OCIAD1: variants seen among roughly 807,000 people sequenced by gnomAD.
The protein encoded by OCIAD1 is OCIA domain containing 1.
A neutral mutation model predicts 38.9 loss-of-function variants in OCIAD1; 29 were observed. That is an observed-to-expected ratio of 0.74 (90% CI 0.55 to 1.02). The LOEUF (loss-of-function observed/expected upper bound fraction) is 1.02. Among genes scored for constraint, OCIAD1 ranks in the 50% least tolerant of loss-of-function variants. OCIAD1 has a pLI of 0.00. For missense variants in OCIAD1, 288 were observed against 289.6 expected (o/e 0.99, Z 0.04); for synonymous variants, 110 against 92.0 (o/e 1.20, Z -1.12).
intron 3 of OCIAD1, among the ~76,000 whole-genome samples, chr4:48,836,063 A>AG (rs1347771123): frequency 5.3e-5 from 8 of 152,274 alleles, no homozygotes; most frequent in Non-Finnish European, 7.4e-5. Flanking sequence ...TCTTGAGCAG[A>AG]GGGGGGTGAT....
chr4:48,859,209 A>G (rs2109633881), intron 8 of OCIAD1, among the ~76,000 whole-genome samples: 1 of 127,700 alleles, frequency 7.8e-6, no homozygotes, highest in African/African-American at 3.1e-5. Flanking sequence ...TATCTGCATC[A>G]TATTATTGAT....
chr4:48,850,962 C>T (rs1779401665), intron 6 of OCIAD1, among the ~76,000 whole-genome samples: 1 of 152,178 alleles, frequency 6.6e-6, no homozygotes, highest in South Asian at 2.1e-4. Context: ...TGGCAAACAC[C>T]TTTGGTTACT....
rs368734337 is a variant in OCIAD1 at position 48,833,504 on chromosome 4, T to C, written c.139+23T>C. The C allele has an allele frequency of 1.5e-3, 2,192 of 1,417,656 alleles. 26 individuals are homozygous for C. The highest frequency in any genetic ancestry group is 2.4e-3 in the South Asian group (201 of 82,644). 87.8% of individuals were successfully genotyped at this position (1,417,656 alleles called of 1,614,324 possible). ...GATGTGAGTTCAATTTTCTAATTAA[T>C]ATAATTTGATCCAAAATTTGTACCT... is the stretch of plus-strand genomic sequence containing the variant. On this transcript the variant is annotated intron_variant, in intron 3 of 8. Coordinates refer to ENST00000264312, the MANE Select transcript of OCIAD1 (RefSeq NM_017830.4).
intron 1 of OCIAD1, among the ~76,000 whole-genome samples, chr4:48,832,403 C>G (rs1379175910): frequency 3.9e-5 from 6 of 152,126 alleles, no homozygotes; most frequent in Non-Finnish European, 7.4e-5. Flanking sequence ...AATTAAGGGA[C>G]TTAACCTGAA....
At chr4:48,829,828 C>T (rs758043677), upstream of OCIAD1, among the ~76,000 whole-genome samples, 3 of 152,184 alleles carry the variant, frequency 2.0e-5, no homozygotes, top group Non-Finnish European at 4.4e-5. Context: ...AAGCCAACAT[C>T]TCTGTCCTAA....
Position 48,857,221 on chromosome 4 carries a change from C to G in OCIAD1, c.556C>G (p.Pro186Ala). 6.5e-7 allele frequency: 1 copy of G among 1,537,538 alleles called. No homozygotes were observed. The highest frequency in any genetic ancestry group is 8.7e-7 in the Non-Finnish European group (1 of 1,142,954). ...ITDHIVQGPDPNLEESPKRKN... is the reference protein window; with the variant it reads ...ITDHIVQGPDANLEESPKRKN... ...ACTGTTTGTTGTTTTAGGACCTGAT[C>G]CCAACCTTGAAGAAAGTCCTAAAAG... The change falls in exon 8 of 9, where the codon CCC becomes GCC. Residue 186 changes from proline to alanine, a missense_variant. Transcript: ENST00000264312.
intron 3 of OCIAD1, among the ~76,000 whole-genome samples, chr4:48,837,635 A>C (rs984068385): frequency 1.3e-5 from 2 of 150,072 alleles, no homozygotes; most frequent in African/African-American, 2.5e-5. Flanking sequence ...ATACTCCAGC[A>C]ACAGTTCTTT....
intron 3 of OCIAD1, among the ~76,000 whole-genome samples, chr4:48,838,394 C>T (rs1327109025): frequency 6.6e-6 from 1 of 151,650 alleles, no homozygotes; most frequent in African/African-American, 2.4e-5. Context: ...ACCATATCTA[C>T]ATTACTGAGA....
chr4:48,814,041 A>G (rs1304507831), intron 1 of OCIAD1, among the ~76,000 whole-genome samples: 1 of 152,200 alleles, frequency 6.6e-6, no homozygotes, highest in African/African-American at 2.4e-5. Flanking sequence ...CCCAGCTGCA[A>G]AATTCAAACC....
At chr4:48,842,838 CTG>C (rs1287894803) in intron 4 of OCIAD1, 149 bp downstream of exon 4, 3 of 536,476 alleles carry the variant, frequency 5.6e-6, no homozygotes, top group South Asian at 2.6e-5. Context: ...CGTTTTATCT[CTG>C]TGGACCCACT....
intron 3 of OCIAD1, among the ~76,000 whole-genome samples, chr4:48,836,083 T>G (rs1364577012): frequency 6.6e-6 from 1 of 152,116 alleles, no homozygotes; most frequent in Admixed American, 6.6e-5. Context: ...TATGTAAGGT[T>G]TTTTTTAAGG....
intron 1 of OCIAD1, among the ~76,000 whole-genome samples, chr4:48,821,927 C>G (rs545453922): frequency 3.7e-4 from 57 of 152,326 alleles, no homozygotes; most frequent in Non-Finnish European, 5.4e-4. Flanking sequence ...ATTCCATGCT[C>G]ATGGATAGGA....
At chr4:48,839,655 GTTA>G (rs760636579) in intron 3 of OCIAD1, among the ~76,000 whole-genome samples, 25 of 152,114 alleles carry the variant, frequency 1.6e-4, no homozygotes, top group Admixed American at 2.6e-4. Context: ...AGCTATTAGT[GTTA>G]TTATGATTAA....
chr4:48,811,384 T>G (rs1322281419), intron 1 of OCIAD1, among the ~76,000 whole-genome samples: 2 of 152,206 alleles, frequency 1.3e-5, no homozygotes, highest in Non-Finnish European at 2.9e-5. Flanking sequence ...GTCTTTACAA[T>G]GGCATAGGAG....
upstream of OCIAD1, chr4:48,805,172 C>G (rs1008846148): frequency 6.6e-5 from 10 of 152,174 alleles, no homozygotes; most frequent in African/African-American, 2.4e-4. Flanking sequence ...TCTGCAGAAG[C>G]CTGATACCTG....
chr4:48,852,021 G>A lies in OCIAD1; in HGVS notation c.547+46G>A, dbSNP rs202110249. ...GAATTTCAACATTTTATGGTCCAACGTATGTATAAACTTTATTTGATGACC... is the reference window on the plus strand; with the variant it reads ...GAATTTCAACATTTTATGGTCCAACATATGTATAAACTTTATTTGATGACC... On this transcript the variant is annotated intron_variant, in intron 7 of 8. Transcript: ENST00000264312. The A allele has an allele frequency of 1.7e-4, 255 of 1,470,758 alleles. 2 individuals carry two copies. In the African/African-American group the frequency reaches 2.4e-3, roughly 14 times the overall value. The allele number at this position is 1,470,758 out of a possible 1,614,324, so 91.1% of individuals were successfully genotyped here.
rs185288007 is a variant in OCIAD1 at position 48,832,821 on chromosome 4, C to G, written c.58+139C>G. The G allele has an allele frequency of 8.8e-6, 6 of 678,316 alleles. No homozygotes were observed. The Admixed American group carries it at 1.4e-4, about 16-fold the overall frequency. The allele number at this position is 678,316 out of a possible 1,614,324, so 42.0% of individuals were successfully genotyped here. Reference sequence around the variant, plus strand: ...CCCATACTTGGTTTCATGTTCTAGTCTTGTTATCTTGAAATTCATAATCAT... The same window carrying G: ...CCCATACTTGGTTTCATGTTCTAGTGTTGTTATCTTGAAATTCATAATCAT... On this transcript the variant is annotated intron_variant, in intron 2 of 8. Transcript: ENST00000264312.
At chr4:48,840,976 A>G (rs917453070) in intron 3 of OCIAD1, among the ~76,000 whole-genome samples, 2 of 152,218 alleles carry the variant, frequency 1.3e-5, no homozygotes, top group Non-Finnish European at 2.9e-5. Flanking sequence ...AGATTGTACC[A>G]CTGCATTCCA....
upstream of OCIAD1, chr4:48,830,589 G>C (rs1308192508): frequency 5.9e-5 from 9 of 152,150 alleles, no homozygotes; most frequent in Admixed American, 5.9e-4. Context: ...GAGAAAAACC[G>C]TAGCCTCAGA....
Sources: allele counts gnomAD v4.1 joint callset (sites outside exome capture counted in the v4.1 genomes callset), GRCh38; gene constraint gnomAD v4.1.1; transcripts MANE v1.5; gene names NCBI Gene and HGNC (gene_info 2026-07-23, HGNC 2026-07-21).